The following LSAMP variants were observed in gnomAD, a reference collection of about 807,000 sequenced individuals.
LSAMP encodes the protein limbic system associated membrane protein.
A neutral mutation model predicts 38.6 loss-of-function variants in LSAMP; 7 were observed. The ratio of observed to expected loss-of-function variants is 0.18; its 90% CI spans 0.10 to 0.34. The LOEUF (loss-of-function observed/expected upper bound fraction) is 0.34. LSAMP is among the 10% of genes least tolerant of loss of function. The pLI, the probability that LSAMP is intolerant of heterozygous loss-of-function variation, is 1.00. For missense variants in LSAMP, 313 were observed against 420.0 expected, an observed-to-expected ratio of 0.75 and a Z score of 2.23; for synonymous variants, 154 against 166.8, an observed-to-expected ratio of 0.92 and a Z score of 0.59.
chr3:116,283,210 G>GA (rs1167345717), intron 1 of LSAMP, among the ~76,000 whole-genome samples: 11 of 131,930 alleles, frequency 8.3e-5, no homozygotes, highest in African/African-American at 3.0e-4. Context: ...TAGAATTTCA[G>GA]AAAAAAAAGA....
chr3:116,187,699 C>T (rs898705998), intron 1 of LSAMP, among the ~76,000 whole-genome samples: 3 of 152,174 alleles, frequency 2.0e-5, no homozygotes, highest in Non-Finnish European at 4.4e-5. Context: ...TTTCCCAGCA[C>T]ATAGCTTCTT....
chr3:116,187,029 C>A (rs1250433593), intron 1 of LSAMP, among the ~76,000 whole-genome samples: 1 of 152,116 alleles, frequency 6.6e-6, no homozygotes, highest in Non-Finnish European at 1.5e-5. Flanking sequence ...ATAAAAAACA[C>A]AACAAAGAAT....
At chr3:116,075,493 A>G (rs1320320595) in intron 2 of LSAMP, among the ~76,000 whole-genome samples, 1 of 150,966 alleles carries the variant, frequency 6.6e-6, no homozygotes. Flanking sequence ...TCATATGCCA[A>G]TGGCATTAAA....
intron 1 of LSAMP, among the ~76,000 whole-genome samples, chr3:116,375,891 G>A (rs1256142032): frequency 2.0e-5 from 3 of 151,882 alleles, no homozygotes; most frequent in Non-Finnish European, 4.4e-5. Flanking sequence ...ACTTCAAAAT[G>A]TAGACTTTTA....
At chr3:116,389,820 GA>G (rs1322597105) in intron 1 of LSAMP, among the ~76,000 whole-genome samples, 1 of 151,934 alleles carries the variant, frequency 6.6e-6, no homozygotes, top group Non-Finnish European at 1.5e-5. Context: ...CTAATTCTGT[GA>G]AATTTTATTT....
At chr3:115,855,967 T>G (rs1216514996) in intron 3 of LSAMP, among the ~76,000 whole-genome samples, 2 of 152,168 alleles carry the variant, frequency 1.3e-5, no homozygotes, top group African/African-American at 4.8e-5. Context: ...CAGGAGACTT[T>G]TCCCACAATG....
chr3:116,184,520 G>A (rs937373158), intron 1 of LSAMP, among the ~76,000 whole-genome samples: 1 of 151,880 alleles, frequency 6.6e-6, no homozygotes, highest in Non-Finnish European at 1.5e-5. Flanking sequence ...AAATAACTCA[G>A]ACATTTTGAC....
chr3:116,115,306 T>C (rs1007159310), intron 1 of LSAMP, among the ~76,000 whole-genome samples: 1 of 152,270 alleles, frequency 6.6e-6, no homozygotes, highest in Non-Finnish European at 1.5e-5. Flanking sequence ...GTTGTCAGGT[T>C]TAATTCTCAC....
At chr3:116,258,186 T>C (rs963013333) in intron 1 of LSAMP, among the ~76,000 whole-genome samples, 4 of 152,174 alleles carry the variant, frequency 2.6e-5, no homozygotes, top group Non-Finnish European at 4.4e-5. Context: ...TTTAACACCA[T>C]TGCCTTTCTA....
intron 1 of LSAMP, among the ~76,000 whole-genome samples, chr3:116,202,640 T>A (rs1014058603): frequency 2.0e-5 from 3 of 151,876 alleles, no homozygotes; most frequent in Admixed American, 6.6e-5. Context: ...TCCAGGCTGG[T>A]TTAGAACTTT....
At chr3:116,180,060 A>G (rs1376791153) in intron 1 of LSAMP, among the ~76,000 whole-genome samples, 3 of 152,164 alleles carry the variant, frequency 2.0e-5, no homozygotes, top group Admixed American at 1.3e-4. Flanking sequence ...ATTTTCGTTC[A>G]ATCATTTTTT....
chr3:116,343,649 T>G (rs1205067444), intron 1 of LSAMP, among the ~76,000 whole-genome samples: 1 of 152,080 alleles, frequency 6.6e-6, no homozygotes, highest in Non-Finnish European at 1.5e-5. Flanking sequence ...ACTGATAGCG[T>G]GGGTCTCTGT....
At chr3:115,940,743 T>C (rs1319791919) in intron 3 of LSAMP, among the ~76,000 whole-genome samples, 2 of 152,236 alleles carry the variant, frequency 1.3e-5, no homozygotes, top group Non-Finnish European at 2.9e-5. Context: ...TTCTGGGCTC[T>C]CTGTTTTGTT....
At chr3:116,083,472 G>T (rs1347066071) in intron 2 of LSAMP, among the ~76,000 whole-genome samples, 1 of 152,140 alleles carries the variant, frequency 6.6e-6, no homozygotes, top group African/African-American at 2.4e-5. Context: ...TATTTAAACA[G>T]CAAGAATGAA....
intron 1 of LSAMP, among the ~76,000 whole-genome samples, chr3:116,137,099 C>A (rs1709267416): frequency 6.6e-6 from 1 of 152,106 alleles, no homozygotes; most frequent in Admixed American, 6.6e-5. Context: ...ACATAGCATT[C>A]CAATTGCTGC....
intron 1 of LSAMP, among the ~76,000 whole-genome samples, chr3:116,272,287 A>G (rs1392534081): frequency 3.9e-5 from 6 of 152,170 alleles, no homozygotes; most frequent in Admixed American, 2.0e-4. Context: ...CTAATTCAGT[A>G]TTTGGAGAAA....
At chr3:115,942,657 T>C (rs998026306) in intron 3 of LSAMP, among the ~76,000 whole-genome samples, 25 of 152,208 alleles carry the variant, frequency 1.6e-4, no homozygotes, top group African/African-American at 5.5e-4. Flanking sequence ...ATCTCTGATG[T>C]GCTAATGTTG....
chr3:116,189,973 ACAT>A (rs1437737051), intron 1 of LSAMP, among the ~76,000 whole-genome samples: 2 of 152,116 alleles, frequency 1.3e-5, no homozygotes, highest in East Asian at 3.9e-4. Flanking sequence ...ATACATCAAA[ACAT>A]CATGTTGTAT....
chr3:116,099,678 A>G (rs1179542739), intron 1 of LSAMP, among the ~76,000 whole-genome samples: 3 of 152,124 alleles, frequency 2.0e-5, no homozygotes, highest in African/African-American at 7.2e-5. Flanking sequence ...TATTTGTCCT[A>G]TGTAACCTCT....
Sources: allele counts gnomAD v4.1 joint callset (sites outside exome capture counted in the v4.1 genomes callset), GRCh38; gene constraint gnomAD v4.1.1; transcripts MANE v1.5; gene names NCBI Gene and HGNC (gene_info 2026-07-23, HGNC 2026-07-21).